The following IFI16 variants were observed in gnomAD, a reference collection of about 807,000 sequenced individuals.
The protein encoded by IFI16 is interferon gamma inducible protein 16, also known as gamma-interferon-inducible protein 16.
IFI16 carries 49 observed loss-of-function variants against 68.4 expected under a neutral mutation model. That is an observed-to-expected ratio of 0.72 (90% CI 0.57 to 0.91). The LOEUF (loss-of-function observed/expected upper bound fraction) is 0.91, where lower values mean the gene tolerates loss of function less well. Ranked by LOEUF, IFI16 falls within the 40% of genes least tolerant of loss-of-function variation. The pLI, the probability that IFI16 is intolerant of heterozygous loss-of-function variation, is 0.00. For missense variants in IFI16, 878 were observed against 942.9 expected (o/e 0.93, Z 0.90); for synonymous variants, 307 against 315.0 (o/e 0.97, Z 0.27).
At chr1:159,028,106 GA>G (rs1285744979) in intron 6 of IFI16, among the ~76,000 whole-genome samples, 1 of 25,752 alleles carries the variant, frequency 3.9e-5, no homozygotes, top group Non-Finnish European at 3.6e-4. Flanking sequence ...TGTGACCCTA[GA>G]TTATCTATTT....
In IFI16 at chr1:159,053,721, C is replaced by A; in HGVS notation, c.2274C>A (p.Ile758=). Residue 758 remains isoleucine, a synonymous_variant, in exon 11 of 12, where the codon ATC becomes ATA. Transcript: ENST00000295809. ...GELRSVIHSH[I]KVIKTRKNKK... ...TGAGATCTGTAATTCATAGTCACAT[C>A]AAGGTTGGAACTTTATAGGAACATC... 1 of 1,611,656 alleles carries A rather than the reference C, an allele frequency of 6.2e-7. No individual in the cohort carries two copies. The highest frequency in any genetic ancestry group is 8.5e-7 in the Non-Finnish European group (1 of 1,178,300).
chr1:159,035,932 T>A (rs1375609692), intron 7 of IFI16, among the ~76,000 whole-genome samples: 1 of 152,200 alleles, frequency 6.6e-6, no homozygotes, highest in Non-Finnish European at 1.5e-5. Flanking sequence ...TATGGGACTG[T>A]TTTACTTAAA....
intron 3 of IFI16, 74 bp downstream of exon 3, chr1:159,016,061 T>G: frequency 8.0e-6 from 7 of 880,486 alleles, no homozygotes; most frequent in Non-Finnish European, 1.3e-5. Flanking sequence ...ACTCAATCTC[T>G]CCAGCAGGCA....
chr1:159,051,964 G>A lies in IFI16; in HGVS notation c.1951G>A (p.Ala651Thr), dbSNP rs755795460. 2.2e-5 allele frequency: 35 copies of A among 1,613,950 alleles called. No homozygotes were observed. Among genetic ancestry groups the A allele is most frequent in the Non-Finnish European group, 2.9e-5 (34 of 1,179,966 alleles). The change falls in exon 10 of 12, where the codon GCT becomes ACT. Residue 651 changes from alanine (A) to threonine (T), a missense_variant. By Grantham distance (58) the Ala-to-Thr change is moderately conservative (BLOSUM62 0). Around this residue, in one of 4 missense-constraint regions of IFI16, gnomAD observed 311 missense variants for 305.1 expected, o/e 1.02. Coordinates refer to ENST00000295809, the MANE Select transcript of IFI16 (RefSeq NM_001376587.1). ...FLEVYPFTLV[A>T]DVNADRNMEI... is the part of the protein sequence containing the mutation. ...GGAGGTATATCCTTTCACACTTGTG[G>A]CTGATGTGAATGCTGACCGAAACAT...
intron 7 of IFI16, among the ~76,000 whole-genome samples, chr1:159,036,997 C>T (rs1192047165): frequency 2.6e-5 from 4 of 152,084 alleles, no homozygotes; most frequent in African/African-American, 7.2e-5. Context: ...TTTTATATGT[C>T]GTATAGAGCT....
intron 1 of IFI16, among the ~76,000 whole-genome samples, chr1:159,011,881 A>G (rs1652587911): frequency 6.6e-6 from 1 of 152,160 alleles, no homozygotes; most frequent in Non-Finnish European, 1.5e-5. Flanking sequence ...GTAATTAACA[A>G]TCTGCTGTCT....
intron 1 of IFI16, among the ~76,000 whole-genome samples, chr1:159,013,418 T>TG (rs1652711690): frequency 2.0e-5 from 3 of 152,196 alleles, no homozygotes; most frequent in Admixed American, 6.5e-5. Context: ...TTCGACCACC[T>TG]CGGCCTCCCA....
upstream of IFI16, among the ~76,000 whole-genome samples, chr1:159,003,636 T>A (rs1652140994): frequency 7.9e-6 from 1 of 126,218 alleles, no homozygotes; most frequent in Admixed American, 9.3e-5. Context: ...CTATCTTGTA[T>A]GTCCATAATT....
At position 159,018,569 on chromosome 1, in the gene IFI16, G is replaced by C. The variant is rs1653093506; in HGVS notation, c.890G>C (p.Arg297Thr). ...GAGGTTCCAAATAAAATCATCAACA[G>C]AGCAAAGGAAACTCTGAAGATTGAT... is the stretch of plus-strand genomic sequence containing the variant. The part of the protein sequence containing the change: ...TFEVPNKIIN[R>T]AKETLKIDIL... The change falls in exon 5 of 12, where the codon AGA (arginine) becomes ACA (threonine). Residue 297 changes from arginine to threonine, a missense_variant. This residue lies in a region of IFI16 where 443 missense variants were observed against 421.8 expected (regional missense o/e 1.05). Coordinates refer to ENST00000295809, the MANE Select transcript of IFI16 (RefSeq NM_001376587.1). 1.9e-6 allele frequency: 3 copies of C among 1,613,692 alleles called. No homozygotes were observed. Among genetic ancestry groups the C allele is most frequent in the South Asian group, 2.2e-5 (2 of 91,060 alleles).
rs1235273706 is a variant in IFI16 at position 159,026,303 on chromosome 1, T to C, written c.1161+5774T>C. ...GTCATTTTCTTTATTTCTTTCTTTT[T>C]TTTTTTTTTTTGAGACGAAGTCTCG... On this transcript the variant is annotated intron_variant, in intron 6 of 11. Transcript: ENST00000295809. Among the ~76,000 whole-genome samples the C allele has an allele frequency of 2.7e-3, 412 of 150,710 alleles. 1 individual carries two copies. The highest frequency in any genetic ancestry group is 4.7e-3 in the Non-Finnish European group (314 of 67,518).
chr1:159,032,127 G>A (rs1325944390), intron 6 of IFI16, among the ~76,000 whole-genome samples: 2 of 152,206 alleles, frequency 1.3e-5, no homozygotes, highest in African/African-American at 2.4e-5. Flanking sequence ...TTTCTAGGGA[G>A]AGAAAATGTC....
chr1:159,044,072 GATTT>G (rs1188189683), intron 7 of IFI16, among the ~76,000 whole-genome samples: 2 of 152,148 alleles, frequency 1.3e-5, no homozygotes, highest in East Asian at 3.9e-4. Context: ...TAGCAACAAA[GATTT>G]ATTTATTGAG....
At chr1:159,010,711 A>G (rs1027108731) in intron 1 of IFI16, among the ~76,000 whole-genome samples, 5 of 152,170 alleles carry the variant, frequency 3.3e-5, no homozygotes, top group Non-Finnish European at 5.9e-5. Flanking sequence ...TTTCATAAGT[A>G]TATTGATCCT....
At chr1:159,000,195 GT>G in exon 1 of IFI16, 1 of 240,860 alleles carries the variant, frequency 4.2e-6, no homozygotes, top group Non-Finnish European at 8.8e-6. Flanking sequence ...AGAGTATGCA[GT>G]TTGCCTGTGG....
chr1:159,047,808 G>A (rs1476302181), intron 8 of IFI16, among the ~76,000 whole-genome samples: 4 of 149,970 alleles, frequency 2.7e-5, no homozygotes, highest in East Asian at 1.9e-4. Context: ...ATTCAAAGCC[G>A]GAAACAGACT....
At chr1:159,017,745 TTACAA>T (rs1298624026) in intron 4 of IFI16, among the ~76,000 whole-genome samples, 1 of 152,082 alleles carries the variant, frequency 6.6e-6, no homozygotes, top group Non-Finnish European at 1.5e-5. Flanking sequence ...GTAGCTGGGA[TTACAA>T]GCGCCTGCCA....
intron 7 of IFI16, among the ~76,000 whole-genome samples, chr1:159,043,195 T>G (rs1174164380): frequency 6.6e-6 from 1 of 152,228 alleles, no homozygotes; most frequent in African/African-American, 2.4e-5. Context: ...AACTAGCTGC[T>G]TGTAACTGTT....
intron 4 of IFI16, 49 bp downstream of exon 4, chr1:159,016,749 A>G (rs774536382): frequency 2.2e-5 from 33 of 1,525,334 alleles, no homozygotes; most frequent in Non-Finnish European, 2.5e-5. Flanking sequence ...AACCCAAAGT[A>G]AAGGACTGAT....
At chr1:159,048,923 C>T (rs1203532516) in intron 8 of IFI16, among the ~76,000 whole-genome samples, 2 of 151,596 alleles carry the variant, frequency 1.3e-5, no homozygotes, top group African/African-American at 4.8e-5. Context: ...GATCATAGAA[C>T]CTTCCCTGAG....
Sources: gnomAD v4.1 joint callset for allele counts (sites outside exome capture counted in the v4.1 genomes callset) on GRCh38, gnomAD v4.1.1 for gene constraint, gnomAD v4.1.1 regional missense constraint, MANE v1.5 for transcripts, NCBI Gene and HGNC (gene_info 2026-07-23, HGNC 2026-07-21) for gene names.